Variants in APOO observed in about 807,000 individuals in gnomAD.
APOO encodes the protein apolipoprotein O.
In APOO, 11 loss-of-function variants were observed where a neutral mutation model predicts 23.1. The ratio of observed to expected loss-of-function variants is 0.48; its 90% CI spans 0.30 to 0.79. APOO has a LOEUF of 0.79. Among genes scored for constraint, APOO ranks in the 30% least tolerant of loss-of-function variants. The pLI, the probability that APOO is intolerant of heterozygous loss-of-function variation, is 0.07. For synonymous variants in APOO, 59 were observed against 54.8 expected, an observed-to-expected ratio of 1.08 and a Z score of -0.34; for missense variants, 160 against 142.7, an observed-to-expected ratio of 1.12 and a Z score of -0.62.
chrX:23,878,861 C>T lies in APOO; in HGVS notation c.237+54G>A, dbSNP rs1044439778. 1.6e-4 allele frequency: 188 copies of T among 1,172,825 alleles called. 1 individual carries two copies. Among genetic ancestry groups the T allele is most frequent in the South Asian group, 2.6e-4 (14 of 53,441 alleles). On this transcript the variant is annotated intron_variant, in intron 3 of 8. Transcript: ENST00000379226. ...AAAACATGCAGCCAATACAGACTTT[C>T]CTCTATGGACTCTAAACAGAAATGC... is the stretch of plus-strand genomic sequence containing the variant.
chrX:23,839,580 T>C (rs1330450099), intron 8 of APOO, among the ~76,000 whole-genome samples: 2 of 111,912 alleles, frequency 1.8e-5, no homozygotes, highest in Non-Finnish European at 3.8e-5. Flanking sequence ...ATAAAATGCA[T>C]ACTCATTGCA....
chrX:23,889,358 G>T (rs748732011), intron 1 of APOO, among the ~76,000 whole-genome samples: 3 of 111,240 alleles, frequency 2.7e-5, no homozygotes, highest in African/African-American at 9.8e-5. Context: ...TTGTGATTAT[G>T]TTCCAGTAAA....
chrX:23,860,103 A>C (rs1032152466), intron 5 of APOO, among the ~76,000 whole-genome samples: 11 of 111,518 alleles, frequency 9.9e-5, no homozygotes, highest in African/African-American at 3.3e-4. Flanking sequence ...TGGAGAGTGA[A>C]CGGAAATAAG....
intron 7 of APOO, among the ~76,000 whole-genome samples, chrX:23,842,734 C>T (rs1438706185): frequency 1.8e-5 from 2 of 111,522 alleles, no homozygotes; most frequent in Non-Finnish European, 3.8e-5. Flanking sequence ...CTCGGCAGGG[C>T]GTGGTGGCTC....
intron 8 of APOO, chrX:23,840,098 G>A: frequency 3.9e-6 from 1 of 259,176 alleles, no homozygotes; most frequent in Non-Finnish European, 6.8e-6. Context: ...CCAACTGTCT[G>A]GTTCTAGCTT....
intron 4 of APOO, among the ~76,000 whole-genome samples, chrX:23,874,046 T>C (rs926713676): frequency 1.8e-5 from 2 of 112,521 alleles, no homozygotes; most frequent in Non-Finnish European, 3.7e-5. Flanking sequence ...CTAGAGCATC[T>C]ATTAATTGCA....
Position 23,863,995 on chromosome X carries a change from A to AT in APOO, c.388+4597dup, listed in dbSNP as rs767260523. 6.6e-3 allele frequency among the ~76,000 whole-genome samples: 627 copies of AT among 95,397 alleles called. 2 individuals carry two copies. The highest frequency in any genetic ancestry group is 8.1e-3 in the Non-Finnish European group (376 of 46,697). The allele number at this position is 95,397 out of a possible 115,157, so 82.8% of individuals were successfully genotyped here. A position where few individuals can be genotyped will look rare whatever the true frequency, so the allele number is the denominator to read the frequency against. ...TGCTAGCAGAATGTGTGTGTTATTG[A>AT]TTTTTTTTTTTTTTTTTGAGATGGA... On this transcript the variant is annotated intron_variant, in intron 5 of 8. Coordinates refer to ENST00000379226, the MANE Select transcript of APOO (RefSeq NM_024122.5).
At chrX:23,847,442 C>T (rs1471685870) in intron 7 of APOO, among the ~76,000 whole-genome samples, 3 of 109,652 alleles carry the variant, frequency 2.7e-5, no homozygotes, top group Non-Finnish European at 3.8e-5. Flanking sequence ...CTGGCTAACA[C>T]GGTGAAACCC....
Position 23,907,873 on chromosome X carries a change from C to G in APOO, c.-171G>C, listed in dbSNP as rs746750031. On this transcript the variant is annotated 5_prime_UTR_variant, in exon 1 of 9. Transcript: ENST00000379226. ...GTGCGGCGAAGGTTTAGTTCAATCA[C>G]CCGGTTCTAGAAGCCGCGTCGCTGA... is the stretch of plus-strand genomic sequence containing the variant. 1.9e-3 allele frequency: 983 copies of G among 528,124 alleles called. 3 individuals carry two copies. The highest frequency in any genetic ancestry group is 6.2e-3 in the Middle Eastern group (11 of 1,763). The allele number at this position is 528,124 out of a possible 1,213,427, so 43.5% of individuals were successfully genotyped here.
Position 23,861,188 on chromosome X carries a change from G to A in APOO, c.389-2455C>T, listed in dbSNP as rs1426449005. ...ATCCCCAATGTTGGAGGTGGGGCCT[G>A]GTGGGACGTGACCTGATCATGAAGG... On this transcript the variant is annotated intron_variant, in intron 5 of 8. Transcript: ENST00000379226. 2.7e-5 allele frequency among the ~76,000 whole-genome samples: 3 copies of A among 110,951 alleles called. No individual in the cohort carries two copies. In the East Asian group the frequency reaches 8.6e-4, roughly 32 times the overall value.
At chrX:23,839,027 A>T (rs1348680411) in intron 8 of APOO, among the ~76,000 whole-genome samples, 1 of 111,989 alleles carries the variant, frequency 8.9e-6, no homozygotes, top group African/African-American at 3.2e-5. Flanking sequence ...TCTAGAGGAC[A>T]TGTGTCACTC....
chrX:23,858,027 C>G (rs1924853780), intron 6 of APOO, among the ~76,000 whole-genome samples: 1 of 111,697 alleles, frequency 9.0e-6, no homozygotes, highest in South Asian at 3.8e-4. Context: ...GCTGCTGCTT[C>G]TGGTCTGGTA....
intron 5 of APOO, among the ~76,000 whole-genome samples, chrX:23,860,820 C>G (rs73485520): frequency 9.9e-6 from 1 of 100,833 alleles, no homozygotes; most frequent in Admixed American, 1.1e-4. Context: ...GTACGCCCAG[C>G]CCCCCATCTC....
chrX:23,903,799 A>G (rs762106464), intron 1 of APOO, among the ~76,000 whole-genome samples: 2 of 111,877 alleles, frequency 1.8e-5, no homozygotes, highest in South Asian at 3.8e-4. Flanking sequence ...GTACCATTCT[A>G]TGGAGAACCA....
intron 4 of APOO, among the ~76,000 whole-genome samples, chrX:23,874,114 C>T (rs1325745360): frequency 2.7e-5 from 3 of 111,666 alleles, no homozygotes; most frequent in Admixed American, 9.6e-5. Context: ...TGGTGTATTA[C>T]GCTGCACCTA....
intron 3 of APOO, among the ~76,000 whole-genome samples, chrX:23,877,522 C>T: frequency 9.0e-6 from 1 of 111,700 alleles, no homozygotes; most frequent in Non-Finnish European, 1.9e-5. Flanking sequence ...GCCTGTAATC[C>T]CAGCACTTTG....
intron 5 of APOO, among the ~76,000 whole-genome samples, chrX:23,866,671 C>A (rs183498010): frequency 4.1e-4 from 46 of 111,173 alleles, no homozygotes; most frequent in African/African-American, 1.4e-3. Flanking sequence ...CGCCTGTAAT[C>A]CCAGCTACTT....
At chrX:23,850,375 A>G (rs1351085835) in intron 7 of APOO, among the ~76,000 whole-genome samples, 2 of 112,191 alleles carry the variant, frequency 1.8e-5, no homozygotes. Flanking sequence ...AATGGTAACA[A>G]TTACTTGGCA....
At chrX:23,897,754 G>A (rs1276824723) in intron 1 of APOO, among the ~76,000 whole-genome samples, 2 of 111,135 alleles carry the variant, frequency 1.8e-5, no homozygotes, top group Non-Finnish European at 3.8e-5. Context: ...TTGGGAGGCC[G>A]AGGTGGGCGG....
Sources: gnomAD v4.1 joint callset for allele counts (sites outside exome capture counted in the v4.1 genomes callset) on GRCh38, gnomAD v4.1.1 for gene constraint, MANE v1.5 for transcripts, NCBI Gene and HGNC (gene_info 2026-07-23, HGNC 2026-07-21) for gene names.